Variants in TTLL5 observed in about 807,000 individuals in gnomAD.
TTLL5 encodes tubulin polyglutamylase TTLL5.
TTLL5 carries 132 observed loss-of-function variants against 168.4 expected under a neutral mutation model. The observed-to-expected ratio is 0.78, with a 90% confidence interval of 0.68 to 0.91. TTLL5 has a LOEUF of 0.91. TTLL5 is among the 40% of genes least tolerant of loss of function. TTLL5 has a pLI of 0.00. For missense variants in TTLL5, 1,545 were observed against 1,581.5 expected, an observed-to-expected ratio of 0.98 and a Z score of 0.39; for synonymous variants, 546 against 558.6, an observed-to-expected ratio of 0.98 and a Z score of 0.32.
intron 12 of TTLL5, among the ~76,000 whole-genome samples, chr14:75,728,841 G>C (rs1054496948): frequency 1.3e-5 from 2 of 152,110 alleles, no homozygotes; most frequent in African/African-American, 4.8e-5. Context: ...GGAGTGGAAA[G>C]GGGAGAATCA....
At chr14:75,712,865 T>C (rs866339505) in intron 9 of TTLL5, among the ~76,000 whole-genome samples, 1 of 152,114 alleles carries the variant, frequency 6.6e-6, no homozygotes, top group African/African-American at 2.4e-5. Flanking sequence ...AATAAAGATA[T>C]TGTCCAAAAC....
chr14:75,951,874 A>G lies in TTLL5; in HGVS notation c.3824-2550A>G, dbSNP rs187991978. 9.2e-5 allele frequency among the ~76,000 whole-genome samples: 14 copies of G among 152,388 alleles called. No homozygotes were observed. The East Asian group carries it at 2.5e-3, about 27-fold the overall frequency. ...TTTAAGCAAAGAACTTCTAAAATTC[A>G]ATAAGCAGTTTCTTAGATATGACAT... On this transcript the variant is annotated intron_variant, in intron 31 of 31. Transcript: ENST00000298832.
At chr14:75,765,559 G>A (rs1458529874) in intron 19 of TTLL5, among the ~76,000 whole-genome samples, 3 of 151,972 alleles carry the variant, frequency 2.0e-5, no homozygotes, top group African/African-American at 7.3e-5. Flanking sequence ...ATTATTAATA[G>A]GTTTTAGAAT....
chr14:75,842,710 TGG>T (rs762778368), intron 28 of TTLL5, among the ~76,000 whole-genome samples: 2 of 151,796 alleles, frequency 1.3e-5, no homozygotes, highest in African/African-American at 4.8e-5. Context: ...AGAAAATGGG[TGG>T]GGGTTGGGGA....
intron 31 of TTLL5, among the ~76,000 whole-genome samples, chr14:75,912,366 A>G (rs1427167115): frequency 6.6e-6 from 1 of 152,202 alleles, no homozygotes; most frequent in African/African-American, 2.4e-5. Flanking sequence ...GTGTGATACA[A>G]AGCTGCCAAT....
intron 2 of TTLL5, among the ~76,000 whole-genome samples, chr14:75,668,766 C>T (rs537233993): frequency 6.6e-6 from 1 of 152,274 alleles, no homozygotes; most frequent in East Asian, 1.9e-4. Context: ...TGAAAATGGA[C>T]TATAGCGTGT....
chr14:75,736,546 G>A (rs903147398), intron 15 of TTLL5, among the ~76,000 whole-genome samples: 9 of 152,174 alleles, frequency 5.9e-5, no homozygotes, highest in African/African-American at 2.2e-4. Flanking sequence ...AGGGATGGCT[G>A]TTTTACTAAT....
At chr14:75,944,804 G>C (rs1381890230) in intron 31 of TTLL5, among the ~76,000 whole-genome samples, 1 of 152,214 alleles carries the variant, frequency 6.6e-6, no homozygotes, top group Non-Finnish European at 1.5e-5. Flanking sequence ...CTAGTGATTA[G>C]TAGCTTCCTG....
intron 31 of TTLL5, among the ~76,000 whole-genome samples, chr14:75,914,604 T>C (rs12433401): frequency 1.3e-5 from 2 of 149,236 alleles, no homozygotes; most frequent in South Asian, 4.2e-4. Flanking sequence ...TAATGAATGA[T>C]TGATCACTAC....
At chr14:75,831,056 G>A (rs919545456) in intron 28 of TTLL5, among the ~76,000 whole-genome samples, 1 of 152,088 alleles carries the variant, frequency 6.6e-6, no homozygotes, top group Non-Finnish European at 1.5e-5. Flanking sequence ...AGTCATAAAA[G>A]CCACAAGTCA....
intron 5 of TTLL5, among the ~76,000 whole-genome samples, chr14:75,685,824 T>C (rs944763380): frequency 1.3e-5 from 2 of 152,170 alleles, no homozygotes; most frequent in African/African-American, 4.8e-5. Context: ...ACAGGGAAGT[T>C]TGGAAATTAC....
At chr14:75,765,007 A>G (rs1217826485) in intron 19 of TTLL5, among the ~76,000 whole-genome samples, 1 of 152,204 alleles carries the variant, frequency 6.6e-6, no homozygotes, top group Non-Finnish European at 1.5e-5. Flanking sequence ...CTTTGCTCTT[A>G]TGTCAGCATC....
chr14:75,774,378 C>T (rs1891586554), intron 21 of TTLL5, among the ~76,000 whole-genome samples: 1 of 152,160 alleles, frequency 6.6e-6, no homozygotes, highest in African/African-American at 2.4e-5. Flanking sequence ...ACTCTAAAAG[C>T]TCCCTTATTC....
At chr14:75,791,105 CAA>C (rs372035829) in intron 26 of TTLL5, among the ~76,000 whole-genome samples, 5 of 77,268 alleles carry the variant, frequency 6.5e-5, no homozygotes, top group African/African-American at 2.3e-4. Context: ...GACTCTGTCT[CAA>C]AAAAAAAAAA....
At chr14:75,924,568 C>G (rs1365175183) in intron 31 of TTLL5, among the ~76,000 whole-genome samples, 1 of 151,900 alleles carries the variant, frequency 6.6e-6, no homozygotes, top group Non-Finnish European at 1.5e-5. Flanking sequence ...TGAGTGGACA[C>G]AGCACATGTT....
At chr14:75,794,641 C>A (rs529056087) in intron 27 of TTLL5, among the ~76,000 whole-genome samples, 1 of 152,034 alleles carries the variant, frequency 6.6e-6, no homozygotes, top group Non-Finnish European at 1.5e-5. Context: ...TCAGTGCCAG[C>A]GAATTAAAAG....
intron 29 of TTLL5, 47 bp from the exon 30 acceptor site, chr14:75,882,638 T>C (rs749483095): frequency 6.5e-7 from 1 of 1,527,830 alleles, no homozygotes; most frequent in South Asian, 1.2e-5. Context: ...GTAAATGGGT[T>C]GTGAAGGTGA....
chr14:75,786,095 C>T (rs1271532402), intron 26 of TTLL5, among the ~76,000 whole-genome samples: 2 of 152,034 alleles, frequency 1.3e-5, no homozygotes, highest in Non-Finnish European at 2.9e-5. Flanking sequence ...TAATATGCAG[C>T]TTGAGTCAGA....
chr14:75,914,033 A>AAAAAAAAAATATATATATATATATATAT, intron 31 of TTLL5, among the ~76,000 whole-genome samples: 4 of 71,090 alleles, frequency 5.6e-5, no homozygotes, highest in African/African-American at 4.7e-4. Flanking sequence ...AAAAAAAAAA[A>AAAAAAAAAATATATATATATATATATAT]ATATATATAT....
Sources: gnomAD v4.1 joint callset for allele counts (sites outside exome capture counted in the v4.1 genomes callset) on GRCh38, gnomAD v4.1.1 for gene constraint, MANE v1.5 for transcripts, NCBI Gene and HGNC (gene_info 2026-07-23, HGNC 2026-07-21) for gene names.